Variants in CAMK1D observed in about 807,000 individuals in gnomAD.
CAMK1D encodes the protein calcium/calmodulin dependent protein kinase ID.
Under a neutral mutation model 47.7 loss-of-function variants are expected in CAMK1D, and 9 were observed. The observed-to-expected ratio is 0.19, with a 90% confidence interval of 0.11 to 0.33. CAMK1D has a LOEUF of 0.33. CAMK1D is among the 10% of genes least tolerant of loss of function. The pLI is 1.00. For missense variants in CAMK1D, 291 were observed against 488.7 expected (o/e 0.60, Z 3.81); for synonymous variants, 184 against 184.9 (o/e 0.99, Z 0.04).
At chr10:12,440,695 G>C (rs1832762201) in intron 1 of CAMK1D, among the ~76,000 whole-genome samples, 1 of 152,188 alleles carries the variant, frequency 6.6e-6, no homozygotes, top group Non-Finnish European at 1.5e-5. Context: ...TAAAGTATAT[G>C]AGATACGGTG....
At chr10:12,815,218 A>G (rs1196038356) in intron 7 of CAMK1D, among the ~76,000 whole-genome samples, 27 of 152,188 alleles carry the variant, frequency 1.8e-4, no homozygotes, top group Non-Finnish European at 5.9e-5. Flanking sequence ...AGGGAAAAAG[A>G]TCAAAACCAA....
Position 12,680,319 on chromosome 10 carries a change from G to A in CAMK1D, c.299+13509G>A, listed in dbSNP as rs557281305. 5.9e-5 allele frequency among the ~76,000 whole-genome samples: 9 copies of A among 152,332 alleles called. No homozygotes were observed. The South Asian group carries it at 1.7e-3, about 28-fold the overall frequency. ...TAGGCTTCCATTTGCTTCTCATGAG[G>A]TCTATGATAGCTCAGCGCCTGGTCT... On this transcript the variant is annotated intron_variant, in intron 3 of 10. Coordinates refer to ENST00000619168, the MANE Select transcript of CAMK1D (RefSeq NM_153498.4).
rs148335652 is a variant in CAMK1D at position 12,708,042 on chromosome 10, G to A, written c.299+41232G>A. Among the ~76,000 whole-genome samples the A allele has an allele frequency of 1.5e-3, 229 of 152,246 alleles. 2 individuals carry two copies. The highest frequency in any genetic ancestry group is 5.6e-3 in the East Asian group (29 of 5,176). On this transcript the variant is annotated intron_variant, in intron 3 of 10. Coordinates refer to ENST00000619168, the MANE Select transcript of CAMK1D (RefSeq NM_153498.4). ...ACCGAGGCAGCATTGTCATTGCCAC[G>A]GCTAGAGCCCCCATTGTATTTAGTT...
intron 2 of CAMK1D, among the ~76,000 whole-genome samples, chr10:12,572,983 T>A (rs1344356212): frequency 2.0e-5 from 3 of 152,194 alleles, no homozygotes; most frequent in Non-Finnish European, 4.4e-5. Context: ...AGCAGAGCTC[T>A]GCGAGTCATA....
chr10:12,528,416 T>G (rs2132214049), intron 1 of CAMK1D, among the ~76,000 whole-genome samples: 1 of 152,356 alleles, frequency 6.6e-6, no homozygotes, highest in Middle Eastern at 3.4e-3. Context: ...GTAGGAAATC[T>G]GAGAAAAGCC....
chr10:12,478,344 CCCAGGCTAGAGT>C (rs2132091798), intron 1 of CAMK1D, among the ~76,000 whole-genome samples: 1 of 152,228 alleles, frequency 6.6e-6, no homozygotes, highest in Non-Finnish European at 1.5e-5. Flanking sequence ...CGCTCTGTCA[CCCAGGCTAGAGT>C]GTTGGTGTGA....
At chr10:12,378,819 T>C (rs796886795) in intron 1 of CAMK1D, among the ~76,000 whole-genome samples, 4 of 150,374 alleles carry the variant, frequency 2.7e-5, no homozygotes, top group East Asian at 3.9e-4. Flanking sequence ...CTTTTCTTTT[T>C]TTTTTTTTTT....
At chr10:12,449,331 G>T (rs571030736) in intron 1 of CAMK1D, among the ~76,000 whole-genome samples, 1 of 152,116 alleles carries the variant, frequency 6.6e-6, no homozygotes, top group Admixed American at 6.5e-5. Context: ...AGCTGCTCCC[G>T]TGTTGAGAGT....
intron 1 of CAMK1D, among the ~76,000 whole-genome samples, chr10:12,375,353 C>A (rs539330749): frequency 8.5e-5 from 13 of 152,336 alleles, no homozygotes; most frequent in Non-Finnish European, 1.9e-4. Flanking sequence ...CCACTATTTT[C>A]TTCCTCTGGA....
chr10:12,425,912 C>T (rs1407043348), intron 1 of CAMK1D, among the ~76,000 whole-genome samples: 2 of 152,206 alleles, frequency 1.3e-5, no homozygotes, highest in Non-Finnish European at 2.9e-5. Context: ...TTTTTGCATG[C>T]ACTGGTGGAA....
chr10:12,459,145 C>T (rs1406740408), intron 1 of CAMK1D, among the ~76,000 whole-genome samples: 4 of 152,126 alleles, frequency 2.6e-5, no homozygotes, highest in African/African-American at 7.2e-5. Flanking sequence ...TCCCAAACTG[C>T]TGGGATTACA....
intron 1 of CAMK1D, among the ~76,000 whole-genome samples, chr10:12,362,676 T>A (rs1837708745): frequency 6.6e-6 from 1 of 152,110 alleles, no homozygotes; most frequent in Non-Finnish European, 1.5e-5. Flanking sequence ...TTTTATTTTT[T>A]ATTTTTTTTA....
At chr10:12,686,464 G>A (rs1283634876) in intron 3 of CAMK1D, among the ~76,000 whole-genome samples, 5 of 152,022 alleles carry the variant, frequency 3.3e-5, no homozygotes, top group Non-Finnish European at 7.4e-5. Flanking sequence ...TGGGATTACA[G>A]GCACGCACCA....
chr10:12,402,484 G>A (rs1839265399), intron 1 of CAMK1D, among the ~76,000 whole-genome samples: 1 of 152,100 alleles, frequency 6.6e-6, no homozygotes. Context: ...CGCCTGCCTC[G>A]GCCTCCCAAG....
chr10:12,572,357 G>A (rs914403946), intron 2 of CAMK1D, among the ~76,000 whole-genome samples: 2 of 152,120 alleles, frequency 1.3e-5, no homozygotes, highest in South Asian at 2.1e-4. Context: ...CATGTAAGAC[G>A]TGCCTTGCTT....
Position 12,349,733 on chromosome 10 carries a change from C to T in CAMK1D, c.-86C>T. The T allele has an allele frequency of 2.9e-6, 1 of 348,820 alleles. No individual in the cohort carries two copies. The highest frequency in any genetic ancestry group is 4.3e-6 in the Non-Finnish European group (1 of 234,274). 21.6% of individuals were successfully genotyped at this position (348,820 alleles called of 1,614,324 possible). ...GCCGCAGCCCGAGCCGCCCGGCATCCCCGCCGCCTCTGCGCCCGCGCCGCG... is the reference window on the plus strand; with the variant it reads ...GCCGCAGCCCGAGCCGCCCGGCATCTCCGCCGCCTCTGCGCCCGCGCCGCG... On this transcript the variant is annotated 5_prime_UTR_variant, in exon 1 of 11. Transcript: ENST00000619168.
intron 1 of CAMK1D, among the ~76,000 whole-genome samples, chr10:12,444,058 C>T (rs1375327698): frequency 2.0e-5 from 3 of 152,274 alleles, no homozygotes; most frequent in South Asian, 2.1e-4. Flanking sequence ...TCTGTCATGG[C>T]GCTGGCGGGA....
At chr10:12,632,456 C>T (rs1041594348) in intron 2 of CAMK1D, among the ~76,000 whole-genome samples, 1 of 152,156 alleles carries the variant, frequency 6.6e-6, no homozygotes, top group Non-Finnish European at 1.5e-5. Flanking sequence ...TCAGGGTGGG[C>T]CCTTGCAGGC....
At chr10:12,421,511 C>CTTTTTTTTTTTTTTTTTTTTTT (rs71384322) in intron 1 of CAMK1D, among the ~76,000 whole-genome samples, 1 of 50,732 alleles carries the variant, frequency 2.0e-5, no homozygotes, top group African/African-American at 8.5e-5. Context: ...ATCCAGGATT[C>CTTTTTTTTTTTTTTTTTTTTTT]TTTTTTTTTT....
Sources: allele counts gnomAD v4.1 joint callset (sites outside exome capture counted in the v4.1 genomes callset), GRCh38; gene constraint gnomAD v4.1.1; transcripts MANE v1.5; gene names NCBI Gene and HGNC (gene_info 2026-07-23, HGNC 2026-07-21).